Variants in PTPRD observed in about 807,000 individuals in gnomAD.
PTPRD encodes protein tyrosine phosphatase receptor type D.
PTPRD carries 34 observed loss-of-function variants against 214.5 expected under a neutral mutation model. The observed-to-expected ratio is 0.16, with a 90% confidence interval of 0.12 to 0.21. The LOEUF is 0.21. Ranked by LOEUF, PTPRD falls within the 10% of genes least tolerant of loss-of-function variation. The probability of loss-of-function intolerance (pLI) is 1.00; values close to 1 mark genes in which losing one functional copy is unlikely to be tolerated. For missense variants in PTPRD, 2,545 were observed against 2,398.7 expected (o/e 1.06, Z -1.27); for synonymous variants, 1,128 against 845.7 (o/e 1.33, Z -5.79).
At chr9:9,881,875 A>G (rs1390669840) in intron 5 of PTPRD, among the ~76,000 whole-genome samples, 10 of 152,114 alleles carry the variant, frequency 6.6e-5, no homozygotes. Context: ...ATTTACCACA[A>G]GAACATGCCT....
At chr9:9,403,298 A>AAAACC (rs2071675645) in intron 8 of PTPRD, among the ~76,000 whole-genome samples, 1 of 147,668 alleles carries the variant, frequency 6.8e-6, no homozygotes, top group Admixed American at 6.8e-5. Context: ...CTCAAAAAAA[A>AAAACC]AAAAAAAAAA....
At chr9:10,285,393 A>G (rs953012399) in intron 3 of PTPRD, among the ~76,000 whole-genome samples, 1 of 152,188 alleles carries the variant, frequency 6.6e-6, no homozygotes, top group African/African-American at 2.4e-5. Flanking sequence ...AAAATGTTGC[A>G]TATTCCCAAG....
chr9:8,480,517 C>T (rs976700671), intron 30 of PTPRD, among the ~76,000 whole-genome samples: 4 of 152,118 alleles, frequency 2.6e-5, no homozygotes, highest in Admixed American at 2.0e-4. Context: ...GACACACTGT[C>T]GCTACTGAAT....
At chr9:8,829,149 G>A (rs4372066) in intron 11 of PTPRD, among the ~76,000 whole-genome samples, 73,585 of 151,834 alleles carry the variant, frequency 0.48, 18,776 homozygotes, top group African/African-American at 0.66. Flanking sequence ...TGAATTGCCC[G>A]GGTTTTAGGT....
At chr9:9,938,867 A>G (rs2090484433) in intron 4 of PTPRD, among the ~76,000 whole-genome samples, 1 of 152,144 alleles carries the variant, frequency 6.6e-6, no homozygotes, top group Non-Finnish European at 1.5e-5. Context: ...CTTGAGCACA[A>G]TCATTCCTAT....
chr9:9,807,392 C>T (rs966758442), intron 5 of PTPRD, among the ~76,000 whole-genome samples: 4 of 152,030 alleles, frequency 2.6e-5, no homozygotes, highest in African/African-American at 9.7e-5. Context: ...TTTCACGAAA[C>T]AGGTGGGCAT....
chr9:9,227,509 ACT>A (rs1364074290), intron 9 of PTPRD, among the ~76,000 whole-genome samples: 3 of 151,906 alleles, frequency 2.0e-5, no homozygotes, highest in Admixed American at 6.6e-5. Flanking sequence ...TCTCTTTGAC[ACT>A]CTCTGACACT....
chr9:9,694,168 G>A (rs141099002), intron 7 of PTPRD, among the ~76,000 whole-genome samples: 13 of 152,210 alleles, frequency 8.5e-5, no homozygotes, highest in South Asian at 6.2e-4. Flanking sequence ...ATGTTTGTTT[G>A]TGCCTGGGCA....
At chr9:10,014,228 T>C (rs1361301795) in intron 4 of PTPRD, among the ~76,000 whole-genome samples, 2 of 151,998 alleles carry the variant, frequency 1.3e-5, no homozygotes, top group East Asian at 3.8e-4. Context: ...GGAAAATAAA[T>C]GTTTTTCTCA....
chr9:10,240,705 T>C (rs1474846028), intron 3 of PTPRD, among the ~76,000 whole-genome samples: 4 of 151,870 alleles, frequency 2.6e-5, no homozygotes, highest in Non-Finnish European at 4.4e-5. Context: ...AATAAAGATA[T>C]AATAGGTCAA....
chr9:10,423,126 TA>T (rs954588236), intron 2 of PTPRD, among the ~76,000 whole-genome samples: 3 of 152,034 alleles, frequency 2.0e-5, no homozygotes, highest in East Asian at 2.0e-4. Context: ...TATGCAGCCA[TA>T]AAAAAGGATG....
intron 2 of PTPRD, among the ~76,000 whole-genome samples, chr9:10,410,507 G>C (rs1011708941): frequency 6.6e-6 from 1 of 151,074 alleles, no homozygotes. Context: ...GACACAAACT[G>C]TTGATGTAGT....
Position 8,475,703 on chromosome 9 carries a change from G to A in PTPRD, c.3414-4618C>T, listed in dbSNP as rs148597147. 2.6e-5 allele frequency among the ~76,000 whole-genome samples: 4 copies of A among 152,126 alleles called. No individual in the cohort carries two copies. The East Asian group carries it at 7.7e-4, about 29-fold the overall frequency. ...TTCAGTGCACAAGCCAGAAACCTAGGTGTTATCATTGACAATCTGCCTTTA... is the reference window on the plus strand; with the variant it reads ...TTCAGTGCACAAGCCAGAAACCTAGATGTTATCATTGACAATCTGCCTTTA... On this transcript the variant is annotated intron_variant, in intron 30 of 45. Transcript: ENST00000381196.
chr9:9,818,252 CT>C (rs1348897747), intron 5 of PTPRD, among the ~76,000 whole-genome samples: 1 of 152,138 alleles, frequency 6.6e-6, no homozygotes, highest in Non-Finnish European at 1.5e-5. Context: ...GTAATGTACG[CT>C]GTTCTATATC....
chr9:9,041,415 T>C (rs2099639482), intron 10 of PTPRD, among the ~76,000 whole-genome samples: 1 of 152,102 alleles, frequency 6.6e-6, no homozygotes, highest in South Asian at 2.1e-4. Flanking sequence ...CCTCTATGTG[T>C]CCATGTGTTC....
At chr9:9,762,818 C>A (rs2098671153) in intron 6 of PTPRD, among the ~76,000 whole-genome samples, 1 of 152,198 alleles carries the variant, frequency 6.6e-6, no homozygotes. Flanking sequence ...TTCTTGATGT[C>A]AAAGTTTGTC....
chr9:10,097,990 G>A (rs1007456171), intron 3 of PTPRD, among the ~76,000 whole-genome samples: 5 of 151,652 alleles, frequency 3.3e-5, no homozygotes, highest in Admixed American at 1.3e-4. Flanking sequence ...ATCCCATTAC[G>A]GGGTACATAC....
chr9:9,543,072 G>A (rs534257674), intron 8 of PTPRD, among the ~76,000 whole-genome samples: 125 of 151,616 alleles, frequency 8.2e-4, no homozygotes, highest in African/African-American at 2.9e-3. Context: ...TCATATACAT[G>A]GAAATAAACA....
At chr9:8,533,822 C>G (rs1290086083) in intron 14 of PTPRD, among the ~76,000 whole-genome samples, 1 of 151,968 alleles carries the variant, frequency 6.6e-6, no homozygotes, top group Admixed American at 6.6e-5. Flanking sequence ...TTGACAATTA[C>G]TTTTTCAGCA....
Sources: gnomAD v4.1 joint callset for allele counts (sites outside exome capture counted in the v4.1 genomes callset) on GRCh38, gnomAD v4.1.1 for gene constraint, MANE v1.5 for transcripts, NCBI Gene and HGNC (gene_info 2026-07-23, HGNC 2026-07-21) for gene names.